PEG3: variants seen among roughly 807,000 people sequenced by gnomAD.
PEG3 encodes paternally-expressed gene 3 protein.
A neutral mutation model predicts 35.5 loss-of-function variants in PEG3; 23 were observed. The ratio of observed to expected loss-of-function variants is 0.65; its 90% CI spans 0.47 to 0.92. The LOEUF (loss-of-function observed/expected upper bound fraction) is 0.92. Among genes scored for constraint, PEG3 ranks in the 40% least tolerant of loss-of-function variants. PEG3 has a pLI of 0.00. For missense variants in PEG3, 1,960 were observed against 1,985.3 expected, an observed-to-expected ratio of 0.99 and a Z score of 0.24; for synonymous variants, 707 against 697.0, an observed-to-expected ratio of 1.01 and a Z score of -0.23.
At chr19:56,828,219 A>T (rs2061246400) in intron 2 of PEG3, among the ~76,000 whole-genome samples, 1 of 152,122 alleles carries the variant, frequency 6.6e-6, no homozygotes, top group Admixed American at 6.5e-5. Flanking sequence ...CCATAGTCAT[A>T]CCCTAACCTG....
chr19:56,816,269 T>C lies in PEG3; in HGVS notation c.2173A>G (p.Ser725Gly), dbSNP rs770507642. Residue 725 changes from serine to glycine, a missense_variant, in exon 10 of 10, where the codon AGT (serine) becomes GGT (glycine). By Grantham distance (56) the Ser-to-Gly change is moderately conservative. Around this residue, in one of 5 missense-constraint regions of PEG3, gnomAD observed 798 missense variants for 782.4 expected, o/e 1.02. Transcript: ENST00000326441. ...TTCTGAGATTCAGTGAATGGCCCAC[T>C]ATGAATGACAGATTTCTCATACCCT... ...GRGYEKSVIH[S>G]GPFTESQKSH... The C allele has an allele frequency of 6.2e-7, 1 of 1,613,978 alleles. No individual in the cohort carries two copies. Among genetic ancestry groups the C allele is most frequent in the South Asian group, 1.1e-5 (1 of 91,082 alleles).
chr19:56,816,034 G>A lies in PEG3; in HGVS notation c.2408C>T (p.Ala803Val). 1.9e-6 allele frequency: 3 copies of A among 1,595,180 alleles called. No individual in the cohort carries two copies. The highest frequency in any genetic ancestry group is 2.2e-5 in the East Asian group (1 of 44,750). ...ATCGAAGCTCTGAATGGTAGACTCT[G>A]CCATTACTTTTGGTTTACTGGGCCC... ...VAGPSKPKVM[A>V]ESTIQSFDAI... The change falls in exon 10 of 10, where the codon GCA (alanine) becomes GTA (valine). Residue 803 changes from alanine (A) to valine (V), a missense_variant. Physicochemically the swap from Ala to Val is moderately conservative, Grantham distance 64. Around this residue, in one of 5 missense-constraint regions of PEG3, gnomAD observed 798 missense variants for 782.4 expected, o/e 1.02. Coordinates refer to ENST00000326441, the MANE Select transcript of PEG3 (RefSeq NM_006210.3).
chr19:56,821,453 T>A (rs538356522), intron 7 of PEG3, among the ~76,000 whole-genome samples, 198 bp downstream of exon 7: 2 of 152,278 alleles, frequency 1.3e-5, no homozygotes, highest in African/African-American at 4.8e-5. Context: ...TCTGACCACA[T>A]GAACGACAAA....
chr19:56,823,962 TAGG>T (rs1217125752), intron 4 of PEG3, among the ~76,000 whole-genome samples: 1 of 152,068 alleles, frequency 6.6e-6, no homozygotes, highest in East Asian at 1.9e-4. Flanking sequence ...GCAGGAGCCA[TAGG>T]AGGTTTTCTC....
rs145933493 is a variant in PEG3, at chr19:56,821,712, G to C, written c.608C>G (p.Thr203Arg). 3.7e-6 allele frequency: 6 copies of C among 1,614,002 alleles called. No homozygotes were observed. The highest frequency in any genetic ancestry group is 5.1e-6 in the Non-Finnish European group (6 of 1,180,016). Reference sequence around the variant, plus strand: ...GTCCTCTCTGTCCATTTCAAAGCTTGTTTTCGCCACCACAGGAAGGGAAAG... The same window carrying C: ...GTCCTCTCTGTCCATTTCAAAGCTTCTTTTCGCCACCACAGGAAGGGAAAG... ...RDLSLPVVAK[T>R]SFEMDREDDR... is the part of the protein sequence containing the mutation. Residue 203 changes from threonine to arginine, a missense_variant, in exon 7 of 10, where the codon ACA becomes AGA. Thr to Arg is a moderately conservative substitution (Grantham distance 71). Transcript: ENST00000326441.
chr19:56,828,814 G>C (rs542714691), intron 2 of PEG3, among the ~76,000 whole-genome samples: 1 of 152,122 alleles, frequency 6.6e-6, no homozygotes, highest in Non-Finnish European at 1.5e-5. Flanking sequence ...TCAAAGAAAT[G>C]TAAAATATTA....
chr19:56,822,881 C>T (rs1185181929), intron 5 of PEG3, 45 bp from the exon 6 acceptor site: 5 of 1,591,288 alleles, frequency 3.1e-6, no homozygotes, highest in Admixed American at 1.8e-5. Context: ...CTCTTTGACA[C>T]ACCTGTTTTC....
Position 56,816,265 on chromosome 19 carries a change from C to CATT in PEG3, c.2176_2177insAAT (p.Gly726delinsGluTrp). On this transcript the variant is annotated protein_altering_variant, in exon 10 of 10. Coordinates refer to ENST00000326441, the MANE Select transcript of PEG3 (RefSeq NM_006210.3). ...ACTCTTCTGAGATTCAGTGAATGGC[C>CATT]CACTATGAATGACAGATTTCTCATA... 6.2e-7 allele frequency: 1 copy of CATT among 1,613,736 alleles called. No individual in the cohort carries two copies. The highest frequency in any genetic ancestry group is 8.5e-7 in the Non-Finnish European group (1 of 1,179,708).
intron 7 of PEG3, among the ~76,000 whole-genome samples, chr19:56,820,705 A>C (rs1368705781): frequency 6.6e-6 from 1 of 152,002 alleles, no homozygotes; most frequent in Non-Finnish European, 1.5e-5. Flanking sequence ...TTAACTCTCT[A>C]TTTTTCCTTG....
rs996063363 is a variant in PEG3 at position 56,811,820 on chromosome 19, A to G, written c.*1855T>C. 2.0e-6 allele frequency: 2 copies of G among 985,386 alleles called. No individual in the cohort carries two copies. The highest frequency in any genetic ancestry group is 3.5e-5 in the African/African-American group (2 of 57,212). 61.0% of individuals were successfully genotyped at this position (985,386 alleles called of 1,614,324 possible). A position where few individuals can be genotyped will look rare whatever the true frequency, so the allele number is the denominator to read the frequency against. On this transcript the variant is annotated 3_prime_UTR_variant, in exon 10 of 10. Coordinates refer to ENST00000326441, the MANE Select transcript of PEG3 (RefSeq NM_006210.3). ...CAAACTGCTCAGGACACCCCGCTCA[A>G]TTCATTCTCAGAAACCTGGCCTTCT...
chr19:56,820,440 G>A (rs947972779), intron 7 of PEG3, among the ~76,000 whole-genome samples: 10 of 152,156 alleles, frequency 6.6e-5, no homozygotes, highest in Non-Finnish European at 1.3e-4. Flanking sequence ...CATTTAAAAA[G>A]CAAAACAAGA....
At position 56,816,321 on chromosome 19, in the gene PEG3, A is replaced by G. The variant is rs1364785450; in HGVS notation, c.2121T>C (p.His707=). 2 of 1,614,196 alleles carry G rather than the reference A, an allele frequency of 1.2e-6. No homozygotes were observed. The highest frequency in any genetic ancestry group is 2.2e-5 in the East Asian group (1 of 44,892). ...SSELSEHQKI[H]SRKNLFEGRG... is the part of the protein sequence containing the mutation. ...TGCCTTCAAAGAGGTTCTTTCGAGA[A>G]TGAATTTTCTGATGCTCACTGAGCT... Residue 707 remains histidine, a synonymous_variant, in exon 10 of 10, where the codon CAT becomes CAC. Coordinates refer to ENST00000326441, the MANE Select transcript of PEG3 (RefSeq NM_006210.3).
chr19:56,813,850 A>G lies in PEG3; in HGVS notation c.4592T>C (p.Ile1531Thr), dbSNP rs1291763241. 6 of 1,614,152 alleles carry G rather than the reference A, an allele frequency of 3.7e-6. No homozygotes were observed. The highest frequency in any genetic ancestry group is 1.1e-5 in the South Asian group (1 of 91,088). The stretch of plus-strand genomic sequence containing the variant: ...AAAGGCATTTGCAGGCTCAAATATG[A>G]TCATGCTGGCATGAGTTTTCAGGTG... ...SEHLKTHASM[I>T]IFEPANAFGE... is the part of the protein sequence containing the mutation. The change falls in exon 10 of 10, where the codon ATC becomes ACC. Residue 1531 changes from isoleucine to threonine, a missense_variant. Ile to Thr is a moderately conservative substitution (Grantham distance 89). Around this residue, in one of 5 missense-constraint regions of PEG3, gnomAD observed 416 missense variants for 416.7 expected, o/e 1.00. Coordinates refer to ENST00000326441, the MANE Select transcript of PEG3 (RefSeq NM_006210.3).
At position 56,824,446 on chromosome 19, in the gene PEG3, G is replaced by C. The variant is rs1465510887; in HGVS notation, c.210C>G (p.Leu70=). 1 of 1,614,168 alleles carries C rather than the reference G, an allele frequency of 6.2e-7. No individual in the cohort carries two copies. Among genetic ancestry groups the C allele is most frequent in the East Asian group, 2.2e-5 (1 of 44,868 alleles). The part of the protein sequence containing the change: ...PRKTLIKLRN[L]CLDWLQPETR... ...TCTCCGGCTGCAACCAATCGAGGCA[G>C]AGGTTTCGGAGTTTGATCAGGGTCT... is the stretch of plus-strand genomic sequence containing the variant. The change falls in exon 4 of 10, where the codon CTC becomes CTG. Residue 70 remains leucine (L), a synonymous_variant. Coordinates refer to ENST00000326441, the MANE Select transcript of PEG3 (RefSeq NM_006210.3).
chr19:56,816,746 T>C lies in PEG3; in HGVS notation c.1696A>G (p.Arg566Gly), dbSNP rs2060017675. The C allele has an allele frequency of 6.2e-7, 1 of 1,614,036 alleles. No individual in the cohort carries two copies. Among genetic ancestry groups the C allele is most frequent in the Admixed American group, 1.7e-5 (1 of 60,004 alleles). The change falls in exon 10 of 10, where the codon AGG becomes GGG. Residue 566 changes from arginine (R) to glycine (G), a missense_variant. Arg to Gly is a moderately radical substitution (Grantham distance 125). Coordinates refer to ENST00000326441, the MANE Select transcript of PEG3 (RefSeq NM_006210.3). ...TGAAGGAAGGTTTCCTTACACACCCTGCACTCGTAGAATTTGTCTTTGCCA... is the reference window on the plus strand; with the variant it reads ...TGAAGGAAGGTTTCCTTACACACCCCGCACTCGTAGAATTTGTCTTTGCCA... ...IYGKDKFYEC[R>G]VCKETFLHSS...
In PEG3 at chr19:56,812,835, C is replaced by G; in HGVS notation, c.*840G>C. On this transcript the variant is annotated 3_prime_UTR_variant, in exon 10 of 10. Transcript: ENST00000326441. Reference sequence around the variant, plus strand: ...GAGTTGGTTAAAAAAAAAAAAAACCCAGAACACAAATGTGTAATATTTTTG... The same window carrying G: ...GAGTTGGTTAAAAAAAAAAAAAACCGAGAACACAAATGTGTAATATTTTTG... 5 of 976,124 alleles carry G rather than the reference C, an allele frequency of 5.1e-6. No homozygotes were observed. The highest frequency in any genetic ancestry group is 6.1e-6 in the Non-Finnish European group (5 of 821,896). 60.5% of individuals were successfully genotyped at this position (976,124 alleles called of 1,614,324 possible).
At chr19:56,835,383 G>A (rs1386107118) in intron 2 of PEG3, among the ~76,000 whole-genome samples, 3 of 152,082 alleles carry the variant, frequency 2.0e-5, no homozygotes, top group African/African-American at 7.2e-5. Context: ...CCTTGCTCTA[G>A]GAATCCTGGA....
chr19:56,838,751 G>A (rs942639509), intron 1 of PEG3, among the ~76,000 whole-genome samples: 31 of 152,180 alleles, frequency 2.0e-4, no homozygotes, highest in African/African-American at 7.5e-4. Context: ...AGTCCCACTG[G>A]CAAAACAGCC....
intron 1 of PEG3, among the ~76,000 whole-genome samples, chr19:56,837,196 G>T (rs1339936016): frequency 6.6e-6 from 1 of 151,962 alleles, no homozygotes; most frequent in Non-Finnish European, 1.5e-5. Flanking sequence ...GCCCTCTAGC[G>T]GCTCTGCTCA....
Sources: gnomAD v4.1 joint callset for allele counts (sites outside exome capture counted in the v4.1 genomes callset) on GRCh38, gnomAD v4.1.1 for gene constraint, gnomAD v4.1.1 regional missense constraint, MANE v1.5 for transcripts, NCBI Gene and HGNC (gene_info 2026-07-23, HGNC 2026-07-21) for gene names.